ROBO2: variants seen among roughly 807,000 people sequenced by gnomAD.
ROBO2 encodes the protein roundabout guidance receptor 2.
Under a neutral mutation model 160.8 loss-of-function variants are expected in ROBO2, and 53 were observed. The ratio of observed to expected loss-of-function variants is 0.33; its 90% confidence interval spans 0.26 to 0.41. The LOEUF (loss-of-function observed/expected upper bound fraction) is 0.41, where lower values mean the gene tolerates loss of function less well. ROBO2 is among the 10% of genes least tolerant of loss of function. The pLI is 1.00. For missense variants in ROBO2, 1,577 were observed against 1,722.4 expected (o/e 0.92, Z 1.49); for synonymous variants, 664 against 611.7 (o/e 1.09, Z -1.26).
intron 2 of ROBO2, among the ~76,000 whole-genome samples, chr3:76,979,576 G>GGTGTGTGTGTGTGTGTGGTGT (rs1363166230): frequency 6.6e-6 from 1 of 151,314 alleles, no homozygotes; most frequent in Non-Finnish European, 1.5e-5. Flanking sequence ...ATGGTATTGG[G>GGTGTGTGTGTGTGTGTGGTGT]GTGTATGTGT....
intron 1 of ROBO2, among the ~76,000 whole-genome samples, chr3:75,932,489 T>G (rs9832381): frequency 0.99 from 151,171 of 152,242 alleles, 75,057 homozygotes; most frequent in Middle Eastern, 1. Context: ...TGTATTTCAG[T>G]GCCACATCTG....
intron 2 of ROBO2, among the ~76,000 whole-genome samples, chr3:76,815,995 TG>T (rs1261444817): frequency 6.6e-6 from 1 of 152,170 alleles, no homozygotes; most frequent in Non-Finnish European, 1.5e-5. Context: ...CTCCACAAAG[TG>T]CCTTTCAAAA....
At chr3:77,596,641 T>G in exon 19 of ROBO2, 3 of 1,614,026 alleles carry the variant, frequency 1.9e-6, no homozygotes, top group South Asian at 1.1e-5. Context: ...GTCTTCTCAA[T>G]GCTGGTGATC....
chr3:77,608,066 A>C, intron 21 of ROBO2, 112 bp downstream of exon 22: 6 of 931,868 alleles, frequency 6.4e-6, no homozygotes, highest in South Asian at 1.4e-5. Flanking sequence ...CCCCACCACC[A>C]TGTTCATTGC....
At chr3:77,166,333 G>A (rs1043907175) in intron 2 of ROBO2, among the ~76,000 whole-genome samples, 29 of 151,920 alleles carry the variant, frequency 1.9e-4, no homozygotes, top group Non-Finnish European at 2.6e-4. Flanking sequence ...TCACACTCAG[G>A]AAATTTAATA....
chr3:75,986,004 G>A (rs749099354), intron 2 of ROBO2, among the ~76,000 whole-genome samples: 3 of 151,560 alleles, frequency 2.0e-5, no homozygotes, highest in Admixed American at 6.6e-5. Context: ...TGCTGTGAAC[G>A]TGTGTACAAA....
At chr3:76,160,914 AT>A (rs2072606375) in intron 2 of ROBO2, among the ~76,000 whole-genome samples, 1 of 152,114 alleles carries the variant, frequency 6.6e-6, no homozygotes, top group Non-Finnish European at 1.5e-5. Flanking sequence ...TTTCTATTTC[AT>A]TTTGAAAGTT....
chr3:77,510,957 A>G (rs1409143187), intron 5 of ROBO2, among the ~76,000 whole-genome samples: 1 of 152,040 alleles, frequency 6.6e-6, no homozygotes, highest in East Asian at 1.9e-4. Context: ...TGAAGAAGAA[A>G]TATCTGAGAA....
At chr3:77,286,256 C>CTT (rs10663209) in intron 2 of ROBO2, among the ~76,000 whole-genome samples, 10,437 of 119,736 alleles carry the variant, frequency 0.087, 659 homozygotes, top group East Asian at 0.28. Context: ...AATTATGGAG[C>CTT]TTTTTTTTTT....
At chr3:76,805,788 G>A (rs2064655401) in intron 2 of ROBO2, among the ~76,000 whole-genome samples, 1 of 151,854 alleles carries the variant, frequency 6.6e-6, no homozygotes. Context: ...GGCCTCATAG[G>A]TCAAACTTGG....
intron 17 of ROBO2, among the ~76,000 whole-genome samples, chr3:77,592,244 T>C: frequency 6.6e-6 from 1 of 152,130 alleles, no homozygotes; most frequent in East Asian, 1.9e-4. Flanking sequence ...AATATTTACA[T>C]AATGTGTGAA....
chr3:76,945,002 C>A (rs1204458743), intron 2 of ROBO2, among the ~76,000 whole-genome samples: 1 of 152,026 alleles, frequency 6.6e-6, no homozygotes, highest in Non-Finnish European at 1.5e-5. Context: ...CATTCTCCTG[C>A]CTCAGCCTCC....
intron 2 of ROBO2, among the ~76,000 whole-genome samples, chr3:76,917,424 A>G (rs1577466121): frequency 6.6e-6 from 1 of 152,324 alleles, no homozygotes; most frequent in Non-Finnish European, 1.5e-5. Flanking sequence ...AAAATGATTG[A>G]TAAGTGTATG....
chr3:77,241,489 T>C (rs1397870269), intron 2 of ROBO2, among the ~76,000 whole-genome samples: 1 of 152,244 alleles, frequency 6.6e-6, no homozygotes, highest in African/African-American at 2.4e-5. Flanking sequence ...ATTCAGTTTG[T>C]GCTCCTTAAT....
At chr3:77,368,437 T>C (rs887459611) in intron 2 of ROBO2, among the ~76,000 whole-genome samples, 4 of 152,130 alleles carry the variant, frequency 2.6e-5, no homozygotes, top group African/African-American at 9.7e-5. Flanking sequence ...GACATGAAGT[T>C]GAAACAAGAC....
intron 2 of ROBO2, among the ~76,000 whole-genome samples, chr3:76,284,614 T>G (rs527421561): frequency 1.8e-4 from 28 of 152,258 alleles, no homozygotes; most frequent in Admixed American, 4.6e-4. Flanking sequence ...ATACTATTTT[T>G]CAATTGCTTT....
intron 2 of ROBO2, among the ~76,000 whole-genome samples, chr3:76,670,613 C>A (rs2092229462): frequency 6.6e-6 from 1 of 151,992 alleles, no homozygotes; most frequent in Non-Finnish European, 1.5e-5. Context: ...CTGTAAGGAG[C>A]ATGAAAGGGT....
intron 2 of ROBO2, among the ~76,000 whole-genome samples, chr3:76,259,707 C>T (rs576941603): frequency 1.2e-4 from 18 of 152,120 alleles, no homozygotes; most frequent in Non-Finnish European, 2.4e-4. Context: ...GTGGTGGTTT[C>T]CTAAGCTTTG....
At chr3:76,099,797 A>G (rs1033980774) in intron 2 of ROBO2, among the ~76,000 whole-genome samples, 3 of 152,170 alleles carry the variant, frequency 2.0e-5, no homozygotes, top group African/African-American at 4.8e-5. Flanking sequence ...GAGGGAGGAA[A>G]TGAAGGTGTG....
Sources: gnomAD v4.1 joint callset for allele counts (sites outside exome capture counted in the v4.1 genomes callset) on GRCh38, gnomAD v4.1.1 for gene constraint, MANE v1.5 for transcripts, NCBI Gene and HGNC (gene_info 2026-07-23, HGNC 2026-07-21) for gene names.